Variants in ADGRA2 observed in about 807,000 individuals in gnomAD.
The protein encoded by ADGRA2 is G-protein coupled receptor 124.
Under a neutral mutation model 98.7 loss-of-function variants are expected in ADGRA2, and 61 were observed. That is an observed-to-expected ratio of 0.62 (90% CI 0.50 to 0.76). The LOEUF (loss-of-function observed/expected upper bound fraction) is 0.76. Among genes scored for constraint, ADGRA2 ranks in the 30% least tolerant of loss-of-function variants. The pLI, the probability that ADGRA2 is intolerant of heterozygous loss-of-function variation, is 0.00. For synonymous variants in ADGRA2, 858 were observed against 831.5 expected (o/e 1.03, Z -0.55); for missense variants, 1,712 against 1,860.0 (o/e 0.92, Z 1.46).
chr8:37,838,236 C>T (rs1805675948), intron 14 of ADGRA2, among the ~76,000 whole-genome samples: 1 of 149,108 alleles, frequency 6.7e-6, no homozygotes. Flanking sequence ...ACATCCTGCA[C>T]TTTCTGAGAC....
At chr8:37,818,505 A>T (rs1805039636) in intron 2 of ADGRA2, among the ~76,000 whole-genome samples, 2 of 152,400 alleles carry the variant, frequency 1.3e-5, no homozygotes, top group Admixed American at 6.5e-5. Context: ...GCAGCTCACA[A>T]GAGGCAGCAT....
At chr8:37,808,030 C>T (rs1402703435) in intron 1 of ADGRA2, among the ~76,000 whole-genome samples, 1 of 152,326 alleles carries the variant, frequency 6.6e-6, no homozygotes, top group East Asian at 1.9e-4. Context: ...AGACGCCAGC[C>T]GCTTGCTCCC....
chr8:37,843,592 A>C lies in ADGRA2; in HGVS notation c.*1237A>C. On this transcript the variant is annotated 3_prime_UTR_variant, in exon 19 of 19. Transcript: ENST00000412232. ...TGGGTCTTGGGAAGAACAACAGGAA[A>C]CCAAGGTCTGACCTAGGGTTCCCTC... 1 of 152,194 alleles carries C rather than the reference A, an allele frequency of 6.6e-6. No individual in the cohort carries two copies. The highest frequency in any genetic ancestry group is 1.5e-5 in the Non-Finnish European group (1 of 68,024). The allele number at this position is 152,194 out of a possible 1,614,324, so 9.4% of individuals were successfully genotyped here. A position where few individuals can be genotyped will look rare whatever the true frequency, so the allele number is the denominator to read the frequency against.
At position 37,830,853 on chromosome 8, in the gene ADGRA2, G is replaced by A; in HGVS notation, c.862G>A (p.Val288Met). 6.3e-7 allele frequency: 1 copy of A among 1,594,512 alleles called. No homozygotes were observed. The highest frequency in any genetic ancestry group is 1.1e-5 in the South Asian group (1 of 87,840). ...RIRWYHNRAP[V>M]EGDEQAGILL... ...CCGCTGGTACCACAACCGAGCCCCT[G>A]TGGAGGGTGATGAGCAGGCGGGCAT... The change falls in exon 7 of 19, where the codon GTG (valine) becomes ATG (methionine). Residue 288 changes from valine to methionine, a missense_variant. Val to Met is a conservative substitution (Grantham distance 21). Coordinates refer to ENST00000412232, the MANE Select transcript of ADGRA2 (RefSeq NM_032777.10). The surrounding 1 kb of genome is among the most constrained non-coding windows in gnomAD (Gnocchi z 4.8).
In ADGRA2 at chr8:37,837,982, G is replaced by A. The variant is rs187880165; in HGVS notation, c.2259+43G>A. 3.9e-4 allele frequency: 545 copies of A among 1,407,232 alleles called. 2 individuals are homozygous for A. Among genetic ancestry groups the A allele is most frequent in the Admixed American group, 2.9e-4 (10 of 34,514 alleles). The allele number at this position is 1,407,232 out of a possible 1,614,324, so 87.2% of individuals were successfully genotyped here. A position where few individuals can be genotyped will look rare whatever the true frequency, so the allele number is the denominator to read the frequency against. ...TGACAAGTCGGGGGGGCAGGGACAC[G>A]GGCTGGGTGGAAAATGGGGGTGGGT... is the stretch of plus-strand genomic sequence containing the variant. On this transcript the variant is annotated intron_variant, in intron 14 of 18. Coordinates refer to ENST00000412232, the MANE Select transcript of ADGRA2 (RefSeq NM_032777.10).
At chr8:37,812,535 G>C (rs1804866042) in intron 1 of ADGRA2, among the ~76,000 whole-genome samples, 1 of 152,206 alleles carries the variant, frequency 6.6e-6, no homozygotes, top group Non-Finnish European at 1.5e-5. Flanking sequence ...GCTGAGGCAG[G>C]AGAATGGCGT....
Position 37,814,615 on chromosome 8 carries a change from G to A in ADGRA2, c.267-281G>A, listed in dbSNP as rs530252549. 7.2e-5 allele frequency among the ~76,000 whole-genome samples: 11 copies of A among 152,336 alleles called. No homozygotes were observed. In the East Asian group the frequency reaches 2.1e-3, roughly 29 times the overall value. On this transcript the variant is annotated intron_variant, in intron 1 of 18. Coordinates refer to ENST00000412232, the MANE Select transcript of ADGRA2 (RefSeq NM_032777.10). This position sits in a 1 kb window ranked among gnomAD's most constrained non-coding sequence, Gnocchi z 4.3. ...CAGAGTGGAAACGGGGCATCACAGGGTCACCCCCACCTGCTCAGCCCACCT... is the reference window on the plus strand; with the variant it reads ...CAGAGTGGAAACGGGGCATCACAGGATCACCCCCACCTGCTCAGCCCACCT...
chr8:37,805,309 A>T (rs183161085), intron 1 of ADGRA2, among the ~76,000 whole-genome samples: 1 of 152,342 alleles, frequency 6.6e-6, no homozygotes, highest in East Asian at 1.9e-4. Context: ...TCTCCTGGAG[A>T]CAGGTACCAG....
At position 37,842,123 on chromosome 8, in the gene ADGRA2, C is replaced by G. The variant is rs1457132209; in HGVS notation, c.3785C>G (p.Pro1262Arg). The G allele has an allele frequency of 6.7e-7, 1 of 1,497,318 alleles. No homozygotes were observed. The allele number at this position is 1,497,318 out of a possible 1,614,324, so 92.8% of individuals were successfully genotyped here. A position where few individuals can be genotyped will look rare whatever the true frequency, so the allele number is the denominator to read the frequency against. ...PSEGSDTSAA[P>R]LSEAGRAGQR... ...GAGGGCAGCGACACCAGCGCCGCGC[C>G]GCTTTCTGAGGCGGGCCGGGCAGGC... The change falls in exon 19 of 19, where the codon CCG (proline) becomes CGG (arginine). Residue 1262 changes from proline (P) to arginine (R), a missense_variant. Physicochemically the swap from Pro to Arg is moderately radical, Grantham distance 103. Transcript: ENST00000412232.
intron 2 of ADGRA2, among the ~76,000 whole-genome samples, chr8:37,816,650 G>A (rs1433828458): frequency 7.1e-6 from 1 of 140,542 alleles, no homozygotes; most frequent in Non-Finnish European, 1.5e-5. Context: ...GGGTGCAGTG[G>A]CTCGTGCCCA....
rs1340248683 is a variant in ADGRA2 at position 37,833,077 on chromosome 8, C to A, written c.1165C>A (p.Pro389Thr). 2 of 1,612,906 alleles carry A rather than the reference C, an allele frequency of 1.2e-6. No individual in the cohort carries two copies. Among genetic ancestry groups the A allele is most frequent in the Non-Finnish European group, 1.7e-6 (2 of 1,179,818 alleles). The change falls in exon 9 of 19, where the codon CCC (proline) becomes ACC (threonine). Residue 389 changes from proline (P) to threonine (T), a missense_variant. Pro to Thr is a conservative substitution (Grantham distance 38). Coordinates refer to ENST00000412232, the MANE Select transcript of ADGRA2 (RefSeq NM_032777.10). ...SCLQYPFTSV[P>T]LGGGAPGTRA... ...CCTGCAGTATCCCTTCACCTCAGTG[C>A]CCCTGGGCGGGGGTGCCCCGGGCAC...
intron 1 of ADGRA2, among the ~76,000 whole-genome samples, chr8:37,813,582 G>A (rs1231553694): frequency 6.6e-6 from 1 of 152,116 alleles, no homozygotes; most frequent in East Asian, 1.9e-4. Flanking sequence ...TTCCCACCAG[G>A]AAATGTCACC....
rs1218027910 is a variant in ADGRA2 at position 37,841,970 on chromosome 8, C to T, written c.3632C>T (p.Ala1211Val). The T allele has an allele frequency of 6.7e-7, 1 of 1,500,904 alleles. No homozygotes were observed. Among genetic ancestry groups the T allele is most frequent in the Admixed American group, 2.2e-5 (1 of 45,164 alleles). The allele number at this position is 1,500,904 out of a possible 1,614,324, so 93.0% of individuals were successfully genotyped here. ...LKALRGGAAG[A>V]LELLSSESGS... is the part of the protein sequence containing the mutation. ...GCCCTGCGCGGGGGCGCGGCGGGGG[C>T]GCTGGAGCTGCTGTCCAGCGAGAGC... Residue 1211 changes from alanine (A) to valine (V), a missense_variant, in exon 19 of 19, where the codon GCG becomes GTG. Coordinates refer to ENST00000412232, the MANE Select transcript of ADGRA2 (RefSeq NM_032777.10). This position sits in a 1 kb window ranked among gnomAD's most constrained non-coding sequence, Gnocchi z 5.0.
chr8:37,835,481 G>C, intron 12 of ADGRA2, 73 bp from the exon 13 acceptor site: 1 of 1,499,134 alleles, frequency 6.7e-7, no homozygotes, highest in Non-Finnish European at 9.3e-7. Context: ...AGAGGAGGTG[G>C]GAGGAGGGGG....
rs551314090 is a variant in ADGRA2, at chr8:37,815,881, C to T, written c.338+914C>T. On this transcript the variant is annotated intron_variant, in intron 2 of 18. Coordinates refer to ENST00000412232, the MANE Select transcript of ADGRA2 (RefSeq NM_032777.10). ...CCCTCCACAGAGGAAGCCTGGGCCT[C>T]CCACCTCTCCTAGAGCCTGACTCTT... 1.1e-4 allele frequency among the ~76,000 whole-genome samples: 16 copies of T among 152,316 alleles called. No individual in the cohort carries two copies. The South Asian group carries it at 3.3e-3, about 32-fold the overall frequency.
In ADGRA2 at chr8:37,842,868, T is replaced by C. The variant is rs1419631733; in HGVS notation, c.*513T>C. 6.5e-6 allele frequency: 1 copy of C among 153,608 alleles called. No homozygotes were observed. Among genetic ancestry groups the C allele is most frequent in the Non-Finnish European group, 1.5e-5 (1 of 68,764 alleles). The allele number at this position is 153,608 out of a possible 1,614,324, so 9.5% of individuals were successfully genotyped here. ...CTAGCCCAGCACATGAAGCAGGTGATGTTAAGTCACAAGGTGCTGCTTTTC... is the reference window on the plus strand; with the variant it reads ...CTAGCCCAGCACATGAAGCAGGTGACGTTAAGTCACAAGGTGCTGCTTTTC... On this transcript the variant is annotated 3_prime_UTR_variant, in exon 19 of 19. Transcript: ENST00000412232.
At chr8:37,818,377 G>A (rs1805037405) in intron 2 of ADGRA2, among the ~76,000 whole-genome samples, 1 of 152,218 alleles carries the variant, frequency 6.6e-6, no homozygotes, top group African/African-American at 2.4e-5. Context: ...TCTCATGAGA[G>A]CACATTTTTC....
Position 37,843,392 on chromosome 8 carries a change from C to T in ADGRA2, c.*1037C>T, listed in dbSNP as rs1241777437. 1.3e-5 allele frequency: 2 copies of T among 152,278 alleles called. No homozygotes were observed. The highest frequency in any genetic ancestry group is 2.9e-5 in the Non-Finnish European group (2 of 68,086). 9.4% of individuals were successfully genotyped at this position (152,278 alleles called of 1,614,324 possible). On this transcript the variant is annotated 3_prime_UTR_variant, in exon 19 of 19. Transcript: ENST00000412232. ...GAGAGAAACCTACAAAATGTCAAACCAGCTTCCCGACTCCCAGGAGCTCAA... is the reference window on the plus strand; with the variant it reads ...GAGAGAAACCTACAAAATGTCAAACTAGCTTCCCGACTCCCAGGAGCTCAA...
intron 1 of ADGRA2, among the ~76,000 whole-genome samples, chr8:37,803,661 G>A (rs1306733417): frequency 6.6e-6 from 1 of 152,102 alleles, no homozygotes; most frequent in East Asian, 1.9e-4. Flanking sequence ...GGGCAGAGAA[G>A]CCGTGGAGTG....
Sources: gnomAD v4.1 joint callset for allele counts (sites outside exome capture counted in the v4.1 genomes callset) on GRCh38, gnomAD v4.1.1 for gene constraint, Gnocchi (gnomAD v3.1) non-coding constraint, MANE v1.5 for transcripts, NCBI Gene and HGNC (gene_info 2026-07-23, HGNC 2026-07-21) for gene names.